The following WARS1 variants were observed in gnomAD, a reference collection of about 807,000 sequenced individuals.
The protein encoded by WARS1 is tryptophanyl-tRNA synthetase 1.
WARS1 carries 17 observed loss-of-function variants against 47.8 expected under a neutral mutation model. That is an observed-to-expected ratio of 0.36 (90% CI 0.24 to 0.53). The LOEUF (loss-of-function observed/expected upper bound fraction) is 0.53, where lower values mean the gene tolerates loss of function less well. WARS1 is among the 20% of genes least tolerant of loss of function. WARS1 has a pLI of 0.91. For synonymous variants in WARS1, 208 were observed against 228.1 expected, an observed-to-expected ratio of 0.91 and a Z score of 0.79; for missense variants, 434 against 608.0, an observed-to-expected ratio of 0.71 and a Z score of 3.01.
intron 1 of WARS1, among the ~76,000 whole-genome samples, chr14:100,371,167 G>C (rs1443200651): frequency 6.6e-6 from 1 of 152,060 alleles, no homozygotes; most frequent in Admixed American, 6.6e-5. Context: ...ACGTAAATTG[G>C]CTGGGTGTGG....
chr14:100,343,452 A>C (rs1894309990), intron 7 of WARS1, 65 bp from the exon 8 acceptor site: 17 of 1,225,230 alleles, frequency 1.4e-5, no homozygotes, highest in Non-Finnish European at 1.9e-5. Flanking sequence ...TTAATAAAGG[A>C]ATGAACAAAA....
chr14:100,357,956 G>A (rs1895432911), intron 4 of WARS1, among the ~76,000 whole-genome samples: 1 of 152,180 alleles, frequency 6.6e-6, no homozygotes. Flanking sequence ...TCATGGATTA[G>A]ATGAATTAAT....
intron 2 of WARS1, chr14:100,366,727 G>A: frequency 1.2e-6 from 1 of 824,050 alleles, no homozygotes; most frequent in Non-Finnish European, 2.2e-6. Context: ...CTATCCAGAA[G>A]AAGCTGGCTG....
intron 4 of WARS1, 47 bp from the exon 5 acceptor site, chr14:100,354,613 T>C: frequency 6.4e-7 from 1 of 1,569,296 alleles, no homozygotes; most frequent in South Asian, 1.2e-5. Context: ...CTGAGAAAAA[T>C]ATCAAGGCAC....
chr14:100,355,799 T>TC (rs1227041639), intron 4 of WARS1, among the ~76,000 whole-genome samples: 1 of 152,168 alleles, frequency 6.6e-6, no homozygotes, highest in Non-Finnish European at 1.5e-5. Flanking sequence ...TCATTTTTTT[T>TC]CCCCATGAAA....
chr14:100,375,589 G>C (rs1896610089), upstream of WARS1: 1 of 152,264 alleles, frequency 6.6e-6, no homozygotes, highest in South Asian at 2.1e-4. Context: ...CTTGAGAATC[G>C]AGCCATTAGC....
chr14:100,362,699 T>C (rs1156898263), intron 2 of WARS1, among the ~76,000 whole-genome samples: 1 of 152,232 alleles, frequency 6.6e-6, no homozygotes, highest in Non-Finnish European at 1.5e-5. Flanking sequence ...ATTCTGGTAA[T>C]TGGCCTTGCT....
At chr14:100,351,573 C>T (rs1197085834) in intron 6 of WARS1, among the ~76,000 whole-genome samples, 5 of 151,892 alleles carry the variant, frequency 3.3e-5, no homozygotes, top group South Asian at 4.1e-4. Flanking sequence ...TTCATGGACA[C>T]GGCTGCTATG....
intron 9 of WARS1, among the ~76,000 whole-genome samples, chr14:100,337,899 AG>A (rs1287183833): frequency 1.3e-5 from 2 of 152,156 alleles, no homozygotes; most frequent in African/African-American, 4.8e-5. Flanking sequence ...TAAAAGAAAA[AG>A]GATGAGTAAG....
intron 7 of WARS1, among the ~76,000 whole-genome samples, chr14:100,346,198 C>T (rs939772318): frequency 6.6e-6 from 1 of 152,172 alleles, no homozygotes; most frequent in Non-Finnish European, 1.5e-5. Flanking sequence ...AAGGCATGCA[C>T]GTGGGAGGCA....
At chr14:100,361,632 A>T (rs1895667427) in intron 3 of WARS1, 76 bp downstream of exon 3, 1 of 1,442,004 alleles carries the variant, frequency 6.9e-7, no homozygotes, top group South Asian at 1.3e-5. Flanking sequence ...AAAATTTAAA[A>T]ACATCAATGG....
At chr14:100,358,933 C>T (rs1895493338) in intron 4 of WARS1, among the ~76,000 whole-genome samples, 1 of 152,304 alleles carries the variant, frequency 6.6e-6, no homozygotes, top group South Asian at 2.1e-4. Flanking sequence ...ACATCCTTGT[C>T]ATTAGGGAAA....
chr14:100,365,124 TACACACACACACAC>T (rs59205319), intron 2 of WARS1, among the ~76,000 whole-genome samples: 17 of 137,766 alleles, frequency 1.2e-4, no homozygotes, highest in South Asian at 4.8e-4. Context: ...TCTCAAAAAA[TACACACACACACAC>T]ACACACACAC....
intron 1 of WARS1, among the ~76,000 whole-genome samples, chr14:100,370,194 G>A (rs995573830): frequency 6.6e-6 from 1 of 152,148 alleles, no homozygotes; most frequent in Non-Finnish European, 1.5e-5. Flanking sequence ...AGCCTTTGCA[G>A]AAGGTGTGTC....
In WARS1 at chr14:100,340,023, C is replaced by G. The variant is rs536431581; in HGVS notation, c.1113+2375G>C. 1.7e-3 allele frequency: 266 copies of G among 152,252 alleles called. 1 individual carries two copies. Among genetic ancestry groups the G allele is most frequent in the African/African-American group, 6.2e-3 (257 of 41,528 alleles). The allele number at this position is 152,252 out of a possible 1,614,324, so 9.4% of individuals were successfully genotyped here. On this transcript the variant is annotated intron_variant, in intron 9 of 10. Transcript: ENST00000392882. Reference sequence around the variant, plus strand: ...TTAGGGTTATGACATGCATTTTATCCCCAACAACCCAATGACCTCTGTAGT... The same window carrying G: ...TTAGGGTTATGACATGCATTTTATCGCCAACAACCCAATGACCTCTGTAGT...
At chr14:100,366,738 A>G in intron 2 of WARS1, 8 of 861,712 alleles carry the variant, frequency 9.3e-6, no homozygotes, top group Non-Finnish European at 1.6e-5. Flanking sequence ...AAGCTGGCTG[A>G]AAAAGGGCTA....
In WARS1 at chr14:100,337,033, GCTGTGGGCC is replaced by G; in HGVS notation, c.1254+20_1254+28del. On this transcript the variant is annotated intron_variant, in intron 10 of 10. Coordinates refer to ENST00000392882, the MANE Select transcript of WARS1 (RefSeq NM_004184.4). ...GGGCAGGAGTGGGTGGCAGAAGGCG[GCTGTGGGCC>G]CTTGGGGTTCCCTGCTCACCTTCCT... 1 of 1,602,682 alleles carries G rather than the reference GCTGTGGGCC, an allele frequency of 6.2e-7. No individual in the cohort carries two copies. Among genetic ancestry groups the G allele is most frequent in the Non-Finnish European group, 8.5e-7 (1 of 1,170,402 alleles).
intron 6 of WARS1, among the ~76,000 whole-genome samples, chr14:100,349,473 C>T (rs1265659797): frequency 6.6e-6 from 1 of 152,180 alleles, no homozygotes; most frequent in African/African-American, 2.4e-5. Context: ...AGGAGCTCCT[C>T]CCATGCCCGG....
chr14:100,376,186 C>T (rs555072357), upstream of WARS1: 393 of 249,236 alleles, frequency 1.6e-3, 1 homozygote, highest in Non-Finnish European at 2.0e-3. Context: ...GGCCACTGGG[C>T]GCCGCGCCAG....
Sources: gnomAD v4.1 joint callset for allele counts (sites outside exome capture counted in the v4.1 genomes callset) on GRCh38, gnomAD v4.1.1 for gene constraint, MANE v1.5 for transcripts, NCBI Gene and HGNC (gene_info 2026-07-23, HGNC 2026-07-21) for gene names.